The following KIF26B variants were observed in gnomAD, a reference collection of about 807,000 sequenced individuals.
KIF26B encodes the protein kinesin family member 26B, also known as kinesin-like protein KIF26B.
Under a neutral mutation model 151.2 loss-of-function variants are expected in KIF26B, and 63 were observed. The ratio of observed to expected loss-of-function variants is 0.42; its 90% CI spans 0.34 to 0.51. The LOEUF is 0.51. KIF26B is among the 20% of genes least tolerant of loss of function. The pLI, the probability that KIF26B is intolerant of heterozygous loss-of-function variation, is 0.07. For missense variants in KIF26B, 2,813 were observed against 2,913.6 expected (o/e 0.97, Z 0.79); for synonymous variants, 1,357 against 1,262.1 (o/e 1.08, Z -1.59).
chr1:245,419,093 C>T (rs1572052699), intron 3 of KIF26B, among the ~76,000 whole-genome samples: 1 of 152,116 alleles, frequency 6.6e-6, no homozygotes, highest in South Asian at 2.1e-4. Context: ...AGCAAACCAC[C>T]ACCCCCACCA....
intron 4 of KIF26B, among the ~76,000 whole-genome samples, chr1:245,478,701 C>T (rs1018901131): frequency 4.0e-5 from 6 of 151,646 alleles, no homozygotes; most frequent in African/African-American, 1.4e-4. Flanking sequence ...AGGCGTGAGC[C>T]ACCGCGCCCG....
At chr1:245,627,117 G>A (rs569344504) in intron 9 of KIF26B, among the ~76,000 whole-genome samples, 13 of 152,234 alleles carry the variant, frequency 8.5e-5, no homozygotes, top group Non-Finnish European at 1.8e-4. Flanking sequence ...ATACCAGCCT[G>A]TTTTATGTTA....
At chr1:245,650,864 T>C (rs1331441555) in intron 10 of KIF26B, among the ~76,000 whole-genome samples, 1 of 152,218 alleles carries the variant, frequency 6.6e-6, no homozygotes, top group African/African-American at 2.4e-5. Flanking sequence ...AAAATGGTGC[T>C]ACATAACCAT....
chr1:245,684,785 A>G (rs571057791), intron 11 of KIF26B, among the ~76,000 whole-genome samples: 1 of 152,328 alleles, frequency 6.6e-6, no homozygotes, highest in East Asian at 1.9e-4. Context: ...TTGGCACCAA[A>G]GAGGTTCTCA....
At chr1:245,436,890 C>CTTTTTTT (rs539810099) in intron 4 of KIF26B, among the ~76,000 whole-genome samples, 1 of 122,342 alleles carries the variant, frequency 8.2e-6, no homozygotes, top group African/African-American at 3.0e-5. Context: ...TTCTCCCTCT[C>CTTTTTTT]TTTTTTTTTT....
chr1:245,610,413 C>A (rs190030456), intron 8 of KIF26B, among the ~76,000 whole-genome samples: 177 of 152,294 alleles, frequency 1.2e-3, no homozygotes, highest in African/African-American at 3.8e-3. Flanking sequence ...GGCACCCCCC[C>A]AGAGTTTCCA....
intron 4 of KIF26B, among the ~76,000 whole-genome samples, chr1:245,535,335 T>A (rs1209123171): frequency 1.3e-5 from 2 of 152,226 alleles, no homozygotes; most frequent in African/African-American, 4.8e-5. Context: ...TTATATTAAT[T>A]TTTAGTATTC....
At chr1:245,372,531 C>A (rs151063141) in intron 3 of KIF26B, among the ~76,000 whole-genome samples, 27 of 152,252 alleles carry the variant, frequency 1.8e-4, no homozygotes, top group African/African-American at 5.5e-4. Context: ...CCCTCCACCC[C>A]CAAGTAGGCC....
intron 4 of KIF26B, among the ~76,000 whole-genome samples, chr1:245,490,767 C>T (rs1275391384): frequency 1.3e-5 from 2 of 152,114 alleles, no homozygotes; most frequent in African/African-American, 4.8e-5. Context: ...TTCCTCAATA[C>T]TGAATTCTTA....
rs978659462 is a variant in KIF26B at position 245,708,274 on chromosome 1, A to C, written c.*5668A>C. 1 of 152,244 alleles carries C rather than the reference A, an allele frequency of 6.6e-6. No homozygotes were observed. Among genetic ancestry groups the C allele is most frequent in the Non-Finnish European group, 1.5e-5 (1 of 68,056 alleles). 9.4% of individuals were successfully genotyped at this position (152,244 alleles called of 1,614,324 possible). On this transcript the variant is annotated 3_prime_UTR_variant, in exon 15 of 15. Coordinates refer to ENST00000407071, the MANE Select transcript of KIF26B (RefSeq NM_018012.4). ...AAGTGATGGGAAGTGCTTTGAAGAA[A>C]TTAAAGGTCTGTCTAGGAGCTGGGG...
chr1:245,570,123 A>G (rs574374383), intron 5 of KIF26B, among the ~76,000 whole-genome samples: 2 of 151,698 alleles, frequency 1.3e-5, no homozygotes, highest in African/African-American at 4.8e-5. Context: ...TTTTTAGTAG[A>G]GACGGGGTTT....
intron 2 of KIF26B, among the ~76,000 whole-genome samples, chr1:245,199,164 T>C (rs949078103): frequency 6.6e-6 from 1 of 152,050 alleles, no homozygotes; most frequent in South Asian, 2.1e-4. Context: ...GGTGCACTGG[T>C]GAGGAAACCT....
chr1:245,490,069 T>C (rs2103073337), intron 4 of KIF26B, among the ~76,000 whole-genome samples: 1 of 152,304 alleles, frequency 6.6e-6, no homozygotes, highest in African/African-American at 2.4e-5. Flanking sequence ...CTGCTGTTTG[T>C]AGATTTGTTC....
intron 2 of KIF26B, among the ~76,000 whole-genome samples, chr1:245,160,341 T>A (rs1431217246): frequency 6.6e-6 from 1 of 152,222 alleles, no homozygotes; most frequent in Non-Finnish European, 1.5e-5. Flanking sequence ...TAAGTGAGAA[T>A]GGCCCTTTTA....
rs57576094 is a variant in KIF26B at position 245,380,771 on chromosome 1, G to A, written c.999+13404G>A. Among the ~76,000 whole-genome samples the A allele has an allele frequency of 9.8e-3, 1,485 of 152,094 alleles. 21 individuals carry two copies. Among genetic ancestry groups the A allele is most frequent in the African/African-American group, 0.034 (1,406 of 41,474 alleles). On this transcript the variant is annotated intron_variant, in intron 3 of 14. Coordinates refer to ENST00000407071, the MANE Select transcript of KIF26B (RefSeq NM_018012.4). ...GGCCTCCTGGGGAGGGTTACCCACC[G>A]CACACACTCCTGACGTGATTTCTTT...
At chr1:245,543,721 G>A (rs189031976) in intron 5 of KIF26B, among the ~76,000 whole-genome samples, 475 of 152,244 alleles carry the variant, frequency 3.1e-3, no homozygotes, top group South Asian at 5.2e-3. Context: ...AGGCCGAGGC[G>A]GGCGGATCAC....
chr1:245,301,374 C>T (rs1397134178), intron 2 of KIF26B, among the ~76,000 whole-genome samples: 1 of 152,174 alleles, frequency 6.6e-6, no homozygotes, highest in Non-Finnish European at 1.5e-5. Context: ...ATTGTGCATT[C>T]CTTTGGGGTC....
intron 5 of KIF26B, among the ~76,000 whole-genome samples, chr1:245,593,562 T>A (rs1471780088): frequency 6.6e-6 from 1 of 152,166 alleles, no homozygotes; most frequent in Admixed American, 6.5e-5. Flanking sequence ...TTCTTTATTC[T>A]GTCTATCATT....
At chr1:245,202,759 CAAAA>C (rs56170851) in intron 2 of KIF26B, among the ~76,000 whole-genome samples, 1 of 45,160 alleles carries the variant, frequency 2.2e-5, no homozygotes, top group Non-Finnish European at 4.3e-5. Context: ...GACTCCATCT[CAAAA>C]AAAAAAAAAA....
Sources: gnomAD v4.1 joint callset for allele counts (sites outside exome capture counted in the v4.1 genomes callset) on GRCh38, gnomAD v4.1.1 for gene constraint, MANE v1.5 for transcripts, NCBI Gene and HGNC (gene_info 2026-07-23, HGNC 2026-07-21) for gene names.